LRMDA: variants seen among roughly 807,000 people sequenced by gnomAD.
LRMDA encodes the protein leucine rich melanocyte differentiation associated.
In LRMDA, 18 loss-of-function variants were observed where a neutral mutation model predicts 29.8. The observed-to-expected ratio is 0.60, with a 90% CI of 0.42 to 0.90. The LOEUF (loss-of-function observed/expected upper bound fraction) is 0.90, where lower values mean the gene tolerates loss of function less well. LRMDA is among the 40% of genes least tolerant of loss of function. The pLI is 0.00. For synonymous variants in LRMDA, 125 were observed against 109.4 expected (o/e 1.14, Z -0.89); for missense variants, 273 against 273.9 (o/e 1.00, Z 0.02).
chr10:75,694,118 G>A (rs760516824), intron 2 of LRMDA, among the ~76,000 whole-genome samples: 1 of 152,154 alleles, frequency 6.6e-6, no homozygotes, highest in African/African-American at 2.4e-5. Context: ...GCATGCCATG[G>A]GTATGCATAT....
intron 2 of LRMDA, among the ~76,000 whole-genome samples, chr10:75,759,632 T>C (rs533165272): frequency 7.9e-5 from 12 of 152,192 alleles, no homozygotes; most frequent in Non-Finnish European, 1.8e-4. Context: ...ACATAGCTAT[T>C]ACAGTAATGA....
At chr10:75,749,585 G>T (rs112641798) in intron 2 of LRMDA, among the ~76,000 whole-genome samples, 42 of 149,046 alleles carry the variant, frequency 2.8e-4, no homozygotes, top group African/African-American at 9.9e-4. Context: ...TGAAATTATT[G>T]GTTTTTTGGT....
intron 5 of LRMDA, among the ~76,000 whole-genome samples, chr10:76,224,950 A>G (rs1851923877): frequency 6.6e-6 from 1 of 152,094 alleles, no homozygotes; most frequent in African/African-American, 2.4e-5. Context: ...TTGTAAATGT[A>G]CCAGATATGG....
intron 6 of LRMDA, among the ~76,000 whole-genome samples, chr10:76,356,139 A>G (rs1270368602): frequency 6.6e-6 from 1 of 152,246 alleles, no homozygotes; most frequent in Admixed American, 6.5e-5. Context: ...GGACAGGTAT[A>G]ACTGGACAAT....
chr10:76,188,324 T>G (rs1373689189), intron 5 of LRMDA, among the ~76,000 whole-genome samples: 1 of 152,228 alleles, frequency 6.6e-6, no homozygotes, highest in Non-Finnish European at 1.5e-5. Flanking sequence ...AAAAGCCAGA[T>G]AATTTGTTTC....
chr10:76,202,677 A>C (rs550355695), intron 5 of LRMDA, among the ~76,000 whole-genome samples: 1 of 152,048 alleles, frequency 6.6e-6, no homozygotes, highest in Admixed American at 6.6e-5. Flanking sequence ...CTCTTTAATG[A>C]TTTTCTCTTT....
rs571203989 is a variant in LRMDA, at chr10:75,962,389, C to T, written c.132-73619C>T. Among the ~76,000 whole-genome samples, 10 of 152,306 alleles carry T rather than the reference C, an allele frequency of 6.6e-5. No homozygotes were observed. In the East Asian group the frequency reaches 1.4e-3, roughly 21 times the overall value. ...TGTGTTAGAAATGCACATTCTCAGG[C>T]CTTAACTTAGCATTACTGGATCACA... On this transcript the variant is annotated intron_variant, in intron 2 of 6. Coordinates refer to ENST00000611255, the MANE Select transcript of LRMDA (RefSeq NM_001305581.2).
At chr10:75,462,566 T>C (rs566208503) in intron 2 of LRMDA, among the ~76,000 whole-genome samples, 1 of 152,340 alleles carries the variant, frequency 6.6e-6, no homozygotes, top group Admixed American at 6.5e-5. Flanking sequence ...CTTAAATTAC[T>C]CAGAGAGGGG....
chr10:75,880,899 C>A (rs187622201), intron 2 of LRMDA, among the ~76,000 whole-genome samples: 1 of 152,266 alleles, frequency 6.6e-6, no homozygotes, highest in East Asian at 1.9e-4. Context: ...GCTGCACAGT[C>A]GGGCAGCCAG....
chr10:75,434,126 C>CAACGT lies in LRMDA; in HGVS notation c.30+2375_30+2379dup, dbSNP rs563772201. On this transcript the variant is annotated intron_variant, in intron 1 of 6. Transcript: ENST00000611255. ...CATTTCTCTTTCCTCTAGCTTATGA[C>CAACGT]AACGTAATACGATCGTAGACACAAA... 8.5e-4 allele frequency among the ~76,000 whole-genome samples: 130 copies of CAACGT among 152,300 alleles called. 3 individuals are homozygous for CAACGT. The Middle Eastern group carries it at 0.014, about 16-fold the overall frequency.
At chr10:76,146,144 G>A (rs1252239370) in intron 5 of LRMDA, among the ~76,000 whole-genome samples, 1 of 152,172 alleles carries the variant, frequency 6.6e-6, no homozygotes, top group East Asian at 1.9e-4. Context: ...GTGTGGTGTG[G>A]TGCTGAAAAG....
chr10:75,967,594 A>G (rs765209796), intron 2 of LRMDA, among the ~76,000 whole-genome samples: 1 of 152,220 alleles, frequency 6.6e-6, no homozygotes, highest in South Asian at 2.1e-4. Flanking sequence ...TCAGCAGAAA[A>G]TTAACTGGAT....
chr10:76,076,826 A>G (rs1848968040), intron 5 of LRMDA, among the ~76,000 whole-genome samples: 1 of 152,200 alleles, frequency 6.6e-6, no homozygotes. Flanking sequence ...AGGGTCGGGC[A>G]GACAACAAAC....
intron 5 of LRMDA, among the ~76,000 whole-genome samples, chr10:76,322,598 C>T (rs1039811022): frequency 6.6e-6 from 1 of 152,178 alleles, no homozygotes; most frequent in African/African-American, 2.4e-5. Flanking sequence ...GTAGCACAGT[C>T]AGAGATGTTT....
At chr10:76,005,726 C>T (rs184337727) in intron 2 of LRMDA, among the ~76,000 whole-genome samples, 19 of 152,226 alleles carry the variant, frequency 1.2e-4, no homozygotes, top group African/African-American at 3.6e-4. Context: ...GTCAGGAGAT[C>T]GAGATCAACT....
intron 2 of LRMDA, among the ~76,000 whole-genome samples, chr10:75,714,100 C>A (rs1247112270): frequency 6.6e-6 from 1 of 152,082 alleles, no homozygotes; most frequent in Non-Finnish European, 1.5e-5. Context: ...CTAGAAGGCC[C>A]CCAGAATGCA....
chr10:76,247,643 C>T lies in LRMDA; in HGVS notation c.517-76758C>T, dbSNP rs563302294. ...TGAATCCCCCCTGCCTCCCGCAACC[C>T]AACCCAGCAAGGTGTCTGTAATATT... On this transcript the variant is annotated intron_variant, in intron 5 of 6. Coordinates refer to ENST00000611255, the MANE Select transcript of LRMDA (RefSeq NM_001305581.2). 7.9e-5 allele frequency among the ~76,000 whole-genome samples: 12 copies of T among 152,284 alleles called. No homozygotes were observed. In the East Asian group the frequency reaches 2.3e-3, roughly 29 times the overall value.
At chr10:76,093,581 C>A (rs1849267415) in intron 5 of LRMDA, among the ~76,000 whole-genome samples, 1 of 152,002 alleles carries the variant, frequency 6.6e-6, no homozygotes, top group Non-Finnish European at 1.5e-5. Flanking sequence ...CCTTCTCCTC[C>A]TCCTTCTCCT....
intron 5 of LRMDA, among the ~76,000 whole-genome samples, chr10:76,254,150 C>T (rs967746049): frequency 6.6e-6 from 1 of 152,094 alleles, no homozygotes; most frequent in South Asian, 2.1e-4. Context: ...TTCACTGCTT[C>T]CCTATCCTCA....
Sources: gnomAD v4.1 joint callset for allele counts (sites outside exome capture counted in the v4.1 genomes callset) on GRCh38, gnomAD v4.1.1 for gene constraint, MANE v1.5 for transcripts, NCBI Gene and HGNC (gene_info 2026-07-23, HGNC 2026-07-21) for gene names.